DCAF8L2: variants seen among roughly 807,000 people sequenced by gnomAD.
DCAF8L2 encodes DDB1 and CUL4 associated factor 8 like 2, also known as DDB1- and CUL4-associated factor 8-like protein 2.
For missense variants in DCAF8L2, 430 were observed against 490.7 expected (o/e 0.88, Z 1.17); for synonymous variants, 200 against 190.9 (o/e 1.05, Z -0.39).
At chrX:27,679,918 T>A (rs888013635) in intron 3 of DCAF8L2, among the ~76,000 whole-genome samples, 1 of 111,870 alleles carries the variant, frequency 8.9e-6, no homozygotes, top group Non-Finnish European at 1.9e-5. Context: ...TAGAACAACA[T>A]TAAATGGTAC....
intron 4 of DCAF8L2, among the ~76,000 whole-genome samples, chrX:27,745,329 A>G (rs1922107087): frequency 8.9e-6 from 1 of 112,135 alleles, no homozygotes; most frequent in Admixed American, 9.5e-5. Flanking sequence ...GCCTTTTTAA[A>G]TGATGTTATT....
intron 4 of DCAF8L2, among the ~76,000 whole-genome samples, chrX:27,728,946 C>G (rs1921029989): frequency 1.8e-5 from 2 of 111,520 alleles, no homozygotes; most frequent in Non-Finnish European, 3.8e-5. Flanking sequence ...TATAAAACTG[C>G]CTGACATTTA....
chrX:27,724,502 T>C (rs1932005761), intron 4 of DCAF8L2, among the ~76,000 whole-genome samples: 1 of 110,918 alleles, frequency 9.0e-6, no homozygotes, highest in South Asian at 3.7e-4. Context: ...GTTTGGAATA[T>C]AAAAATTCTT....
chrX:27,644,593 T>G (rs1208047698), intron 2 of DCAF8L2, among the ~76,000 whole-genome samples: 3 of 110,070 alleles, frequency 2.7e-5, no homozygotes, highest in African/African-American at 1.0e-4. Context: ...TTCAGGAAGC[T>G]AAGGGGAAGC....
At chrX:27,518,770 T>C in the DCAF8L2 span, 9 of 310,268 alleles carry the variant, frequency 2.9e-5, no homozygotes, top group South Asian at 6.6e-4. Context: ...ATAAAATAAA[T>C]ATAAGAATAA....
At chrX:27,512,945 T>C in the DCAF8L2 span, among the ~76,000 whole-genome samples, 2 of 109,934 alleles carry the variant, frequency 1.8e-5, no homozygotes, top group African/African-American at 3.3e-5. Flanking sequence ...AATTCATGCA[T>C]TTACAGCCAA....
intron 1 of DCAF8L2, among the ~76,000 whole-genome samples, chrX:27,606,426 A>G (rs1203716553): frequency 1.1e-5 from 1 of 89,829 alleles, no homozygotes; most frequent in Admixed American, 1.3e-4. Flanking sequence ...GCTGGAGTAC[A>G]GTGGTGCAAT....
the DCAF8L2 span, among the ~76,000 whole-genome samples, chrX:27,488,545 G>A: frequency 1.3e-5 from 1 of 79,211 alleles, no homozygotes; most frequent in Non-Finnish European, 2.3e-5. Flanking sequence ...GTGTGTGTGT[G>A]TGTGTGTGTG....
At chrX:27,684,679 T>A (rs1480899267) in intron 3 of DCAF8L2, among the ~76,000 whole-genome samples, 4 of 111,760 alleles carry the variant, frequency 3.6e-5, no homozygotes, top group African/African-American at 6.5e-5. Context: ...AAAAGTCAAT[T>A]TCATATGACT....
At position 27,748,369 on chromosome X, in the gene DCAF8L2, G is replaced by A. The variant is rs754617893; in HGVS notation, c.1474G>A (p.Gly492Arg). Residue 492 changes from glycine (G) to arginine (R), a missense_variant, in exon 5 of 5, where the codon GGG (glycine) becomes AGG (arginine). Physicochemically the swap from Gly to Arg is moderately radical, Grantham distance 125. Transcript: ENST00000451261. The part of the protein sequence containing the change: ...SEFVVSGSDC[G>R]HIFFWEKSSC... The stretch of plus-strand genomic sequence containing the variant: ...GTTTGTAGTGAGCGGTAGTGATTGC[G>A]GGCACATCTTCTTCTGGGAGAAATC... The A allele has an allele frequency of 6.5e-5, 78 of 1,202,998 alleles. No homozygotes were observed. In the Admixed American group the frequency reaches 9.6e-4, roughly 15 times the overall value.
intron 1 of DCAF8L2, among the ~76,000 whole-genome samples, chrX:27,598,148 G>A (rs1602638336): frequency 8.9e-6 from 1 of 112,328 alleles, no homozygotes; most frequent in Non-Finnish European, 1.9e-5. Context: ...AAATTTGAAG[G>A]ATGTAGGAAT....
intron 4 of DCAF8L2, among the ~76,000 whole-genome samples, chrX:27,718,970 G>T (rs769800850): frequency 1.8e-5 from 2 of 111,481 alleles, no homozygotes; most frequent in Admixed American, 1.9e-4. Context: ...AAACAGGCAC[G>T]CATATACACC....
chrX:27,493,695 A>C, the DCAF8L2 span, among the ~76,000 whole-genome samples: 1 of 98,548 alleles, frequency 1.0e-5, no homozygotes, highest in South Asian at 5.2e-4. Context: ...TGGGAGACTG[A>C]AACTCCATCT....
chrX:27,691,428 T>C (rs1188238393), intron 3 of DCAF8L2, among the ~76,000 whole-genome samples: 1 of 111,519 alleles, frequency 9.0e-6, no homozygotes, highest in Admixed American at 9.6e-5. Flanking sequence ...AGTTTTAAAA[T>C]TCCACCTAAA....
intron 4 of DCAF8L2, among the ~76,000 whole-genome samples, chrX:27,718,268 T>C (rs967145320): frequency 8.9e-5 from 10 of 112,219 alleles, no homozygotes; most frequent in East Asian, 8.4e-4. Flanking sequence ...AATGGAATCA[T>C]GTACTATGCA....
chrX:27,615,473 A>G (rs898277043), intron 1 of DCAF8L2, among the ~76,000 whole-genome samples: 3 of 111,030 alleles, frequency 2.7e-5, no homozygotes, highest in Non-Finnish European at 5.7e-5. Context: ...AATATTTTTG[A>G]ATTTTTTTGC....
chrX:27,630,504 G>C (rs1239683388), intron 1 of DCAF8L2, among the ~76,000 whole-genome samples: 2 of 105,877 alleles, frequency 1.9e-5, no homozygotes, highest in Non-Finnish European at 3.9e-5. Flanking sequence ...GGGGGAGACT[G>C]CCAAACTTAT....
intron 4 of DCAF8L2, among the ~76,000 whole-genome samples, chrX:27,722,479 T>G (rs749287721): frequency 6.3e-5 from 7 of 111,661 alleles, no homozygotes; most frequent in Non-Finnish European, 1.3e-4. Context: ...ATTCTATAAT[T>G]AAGAATGTAT....
At chrX:27,555,059 T>C in the DCAF8L2 span, among the ~76,000 whole-genome samples, 1,633 of 111,757 alleles carry the variant, frequency 0.015, 46 homozygotes, top group African/African-American at 0.051. Flanking sequence ...GAAAATGGAC[T>C]GTGCTACACG....
Sources: allele counts gnomAD v4.1 joint callset (sites outside exome capture counted in the v4.1 genomes callset), GRCh38; gene constraint gnomAD v4.1.1; transcripts MANE v1.5; gene names NCBI Gene and HGNC (gene_info 2026-07-23, HGNC 2026-07-21).